The following INSR variants were observed in gnomAD, a reference collection of about 807,000 sequenced individuals.
INSR encodes IR.
Under a neutral mutation model 142.6 loss-of-function variants are expected in INSR, and 67 were observed. The observed-to-expected ratio is 0.47, with a 90% CI of 0.39 to 0.58. The LOEUF (loss-of-function observed/expected upper bound fraction) is 0.58, where lower values mean the gene tolerates loss of function less well. Ranked by LOEUF, INSR falls within the 20% of genes least tolerant of loss-of-function variation. The probability of loss-of-function intolerance (pLI) is 0.00; values close to 1 mark genes in which losing one functional copy is unlikely to be tolerated. For synonymous variants in INSR, 756 were observed against 743.1 expected, an observed-to-expected ratio of 1.02 and a Z score of -0.28; for missense variants, 1,248 against 1,833.2, an observed-to-expected ratio of 0.68 and a Z score of 5.83.
At chr19:7,292,244 C>T (rs1463892905) in intron 1 of INSR, among the ~76,000 whole-genome samples, 1 of 151,920 alleles carries the variant, frequency 6.6e-6, no homozygotes, top group Non-Finnish European at 1.5e-5. Context: ...GCGAACGCCA[C>T]CAAACCCAGG....
intron 2 of INSR, among the ~76,000 whole-genome samples, chr19:7,231,524 C>A (rs552019918): frequency 6.7e-4 from 102 of 152,034 alleles, no homozygotes; most frequent in Non-Finnish European, 1.0e-3. Context: ...TGGTCTCGAA[C>A]TGCTGACCAC....
intron 3 of INSR, among the ~76,000 whole-genome samples, chr19:7,181,197 C>A (rs544240225): frequency 1.3e-5 from 2 of 152,164 alleles, no homozygotes; most frequent in East Asian, 3.9e-4. Context: ...CCACCCACCT[C>A]GGCCTCCCAA....
intron 2 of INSR, among the ~76,000 whole-genome samples, chr19:7,214,301 C>A (rs903599823): frequency 2.0e-5 from 3 of 152,144 alleles, no homozygotes; most frequent in African/African-American, 7.2e-5. Context: ...TCTTATTCCC[C>A]CCTGTGCTGG....
chr19:7,250,589 GGAA>G (rs1401444221), intron 2 of INSR, among the ~76,000 whole-genome samples: 9 of 126,300 alleles, frequency 7.1e-5, no homozygotes, highest in African/African-American at 2.7e-4. Flanking sequence ...AGGGAGGGAA[GGAA>G]GGAAGGAGAG....
chr19:7,182,161 G>A (rs934503627), intron 3 of INSR, among the ~76,000 whole-genome samples: 3 of 151,704 alleles, frequency 2.0e-5, no homozygotes, highest in African/African-American at 7.3e-5. Context: ...ATGAAACCCG[G>A]TCTCTACTAA....
chr19:7,283,968 C>T (rs1968275293), intron 1 of INSR, among the ~76,000 whole-genome samples: 1 of 152,178 alleles, frequency 6.6e-6, no homozygotes, highest in South Asian at 2.1e-4. Flanking sequence ...GATTCATTAA[C>T]ACCGAACTCA....
intron 2 of INSR, among the ~76,000 whole-genome samples, chr19:7,254,028 C>CAAAAAA (rs59085878): frequency 0.024 from 3,043 of 124,954 alleles, 143 homozygotes; most frequent in African/African-American, 0.08. Context: ...AACTCCATCT[C>CAAAAAA]AAAAAAAAAA....
chr19:7,130,010 A>G (rs1047993952), intron 14 of INSR, among the ~76,000 whole-genome samples: 1 of 148,898 alleles, frequency 6.7e-6, no homozygotes, highest in Non-Finnish European at 1.5e-5. Context: ...AAGTTCTGGG[A>G]TTACAGGTGT....
At chr19:7,290,857 A>G (rs1478605557) in intron 1 of INSR, among the ~76,000 whole-genome samples, 1 of 151,690 alleles carries the variant, frequency 6.6e-6, no homozygotes, top group East Asian at 1.9e-4. Flanking sequence ...GGATCACAAG[A>G]TCAGGAGGTC....
intron 1 of INSR, among the ~76,000 whole-genome samples, chr19:7,280,470 C>T (rs150403821): frequency 0.039 from 5,996 of 152,110 alleles, 359 homozygotes; most frequent in African/African-American, 0.13. Context: ...GTAATCCCAG[C>T]ACTTTGGGCA....
At chr19:7,289,097 C>A (rs956437561) in intron 1 of INSR, among the ~76,000 whole-genome samples, 1 of 152,044 alleles carries the variant, frequency 6.6e-6, no homozygotes, top group Non-Finnish European at 1.5e-5. Context: ...ACGGGAGACA[C>A]AGCCTTCCAG....
At position 7,211,962 on chromosome 19, in the gene INSR, T is replaced by C. The variant is rs1975288804; in HGVS notation, c.653-27325A>G. Reference sequence around the variant, plus strand: ...TTTCCCAAGTCACAGACTCAGACTCTGGGGTGGATAATTCCCCCATCACTG... The same window carrying C: ...TTTCCCAAGTCACAGACTCAGACTCCGGGGTGGATAATTCCCCCATCACTG... On this transcript the variant is annotated intron_variant, in intron 2 of 21. Coordinates refer to ENST00000302850, the MANE Select transcript of INSR (RefSeq NM_000208.4). 2.0e-5 allele frequency among the ~76,000 whole-genome samples: 3 copies of C among 152,144 alleles called. No homozygotes were observed. The South Asian group carries it at 6.2e-4, about 32-fold the overall frequency.
chr19:7,263,987 T>G (rs1000710340), intron 2 of INSR, among the ~76,000 whole-genome samples: 1 of 152,026 alleles, frequency 6.6e-6, no homozygotes, highest in Non-Finnish European at 1.5e-5. Flanking sequence ...CTGGCCAACA[T>G]GGAGAAATCC....
At chr19:7,254,794 T>G (rs1976838516) in intron 2 of INSR, among the ~76,000 whole-genome samples, 1 of 152,162 alleles carries the variant, frequency 6.6e-6, no homozygotes. Context: ...GAACAGATTT[T>G]AATTCTGACA....
chr19:7,189,385 T>C (rs1177917765), intron 2 of INSR, among the ~76,000 whole-genome samples: 1 of 152,246 alleles, frequency 6.6e-6, no homozygotes, highest in Non-Finnish European at 1.5e-5. Context: ...GTTGGAGCCC[T>C]AGCTGACAGG....
chr19:7,272,377 G>A (rs1186570253), intron 1 of INSR, among the ~76,000 whole-genome samples: 1 of 152,084 alleles, frequency 6.6e-6, no homozygotes, highest in East Asian at 1.9e-4. Context: ...CAGCGCTTTG[G>A]GAGGCTGAGG....
intron 2 of INSR, among the ~76,000 whole-genome samples, chr19:7,200,063 A>T (rs1243314751): frequency 6.6e-6 from 1 of 152,192 alleles, no homozygotes; most frequent in Non-Finnish European, 1.5e-5. Flanking sequence ...GATGAAGGGC[A>T]AAGTACAGGA....
intron 2 of INSR, among the ~76,000 whole-genome samples, chr19:7,243,945 G>C (rs894498254): frequency 1.3e-5 from 2 of 152,102 alleles, no homozygotes; most frequent in African/African-American, 4.8e-5. Flanking sequence ...AATAGAATAA[G>C]ATTTAAAACC....
At position 7,128,911 on chromosome 19, in the gene INSR, G is replaced by A; in HGVS notation, c.2886C>T (p.Leu962=). Residue 962 remains leucine, a synonymous_variant, in exon 15 of 22, where the codon CTC becomes CTT. Coordinates refer to ENST00000302850, the MANE Select transcript of INSR (RefSeq NM_000208.4). ...SNIAKIIIGP[L]IFVFLFSVVI... is the part of the protein sequence containing the mutation. ...CAACACTGAAGAGAAAGACAAAGAT[G>A]AGGGGGCCGATGATAATTTTTGCAA... 1.2e-6 allele frequency: 2 copies of A among 1,613,990 alleles called. No individual in the cohort carries two copies. Among genetic ancestry groups the A allele is most frequent in the Non-Finnish European group, 1.7e-6 (2 of 1,179,848 alleles).
Sources: allele counts gnomAD v4.1 joint callset (sites outside exome capture counted in the v4.1 genomes callset), GRCh38; gene constraint gnomAD v4.1.1; transcripts MANE v1.5; gene names NCBI Gene and HGNC (gene_info 2026-07-23, HGNC 2026-07-21).